The following KCNJ3 variants were observed in gnomAD, a reference collection of about 807,000 sequenced individuals.
KCNJ3 encodes the protein G protein-activated inward rectifier potassium channel 1.
Under a neutral mutation model 39.2 loss-of-function variants are expected in KCNJ3, and 4 were observed. That is an observed-to-expected ratio of 0.10 (90% CI 0.05 to 0.23). The LOEUF is 0.23. Ranked by LOEUF, KCNJ3 falls within the 10% of genes least tolerant of loss-of-function variation. KCNJ3 has a pLI of 1.00. For missense variants in KCNJ3, 276 were observed against 634.9 expected (o/e 0.43, Z 6.08); for synonymous variants, 230 against 237.4 (o/e 0.97, Z 0.29).
chr2:154,806,062 G>A (rs995762228), intron 2 of KCNJ3, among the ~76,000 whole-genome samples: 7 of 152,050 alleles, frequency 4.6e-5, no homozygotes, highest in Non-Finnish European at 1.5e-5. Context: ...TTTTGAAAAC[G>A]AGTGAGATGC....
rs142498129 is a variant in KCNJ3, at chr2:154,807,343, C to A, written c.920-47384C>A. Among the ~76,000 whole-genome samples, 3 of 152,270 alleles carry A rather than the reference C, an allele frequency of 2.0e-5. No homozygotes were observed. In the East Asian group the frequency reaches 5.8e-4, roughly 29 times the overall value. On this transcript the variant is annotated intron_variant, in intron 2 of 2. Transcript: ENST00000295101. Reference sequence around the variant, plus strand: ...CAGAAATAGTACAATCTTGGTGACACACATAGCACCCTTGGAGGGAAAATG... The same window carrying A: ...CAGAAATAGTACAATCTTGGTGACAAACATAGCACCCTTGGAGGGAAAATG...
intron 2 of KCNJ3, among the ~76,000 whole-genome samples, chr2:154,763,298 C>T (rs1209785412): frequency 6.6e-6 from 1 of 151,934 alleles, no homozygotes; most frequent in South Asian, 2.1e-4. Flanking sequence ...TTTTTCTTCC[C>T]CATTGGATTT....
At chr2:154,805,364 G>A (rs73965505) in intron 2 of KCNJ3, among the ~76,000 whole-genome samples, 21 of 152,102 alleles carry the variant, frequency 1.4e-4, no homozygotes, top group African/African-American at 5.1e-4. Context: ...GAAGAACGCC[G>A]GGCTGAAATG....
intron 2 of KCNJ3, among the ~76,000 whole-genome samples, chr2:154,846,563 T>TAACA (rs1181868785): frequency 2.6e-5 from 4 of 152,306 alleles, no homozygotes; most frequent in South Asian, 2.1e-4. Context: ...AACATCTTAC[T>TAACA]AACAGTGAGT....
chr2:154,738,007 T>C (rs1053503525), intron 2 of KCNJ3, among the ~76,000 whole-genome samples: 1 of 152,196 alleles, frequency 6.6e-6, no homozygotes, highest in Non-Finnish European at 1.5e-5. Context: ...CTCCATTTTG[T>C]ATATGTACCA....
At chr2:154,753,178 A>G (rs901521088) in intron 2 of KCNJ3, among the ~76,000 whole-genome samples, 19 of 152,214 alleles carry the variant, frequency 1.2e-4, no homozygotes, top group African/African-American at 4.1e-4. Flanking sequence ...GGATTGCTAA[A>G]ACTATAATTA....
intron 2 of KCNJ3, among the ~76,000 whole-genome samples, chr2:154,736,035 CTA>C (rs1362408025): frequency 6.6e-6 from 1 of 152,120 alleles, no homozygotes; most frequent in Non-Finnish European, 1.5e-5. Context: ...TACTCTGTCT[CTA>C]TTAAATTCCT....
intron 2 of KCNJ3, among the ~76,000 whole-genome samples, chr2:154,782,952 A>G (rs1274582267): frequency 6.6e-6 from 1 of 152,138 alleles, no homozygotes; most frequent in African/African-American, 2.4e-5. Flanking sequence ...CAAGGCAGGC[A>G]GATCACCTGA....
intron 2 of KCNJ3, among the ~76,000 whole-genome samples, chr2:154,750,717 T>G (rs1380181730): frequency 6.6e-6 from 1 of 151,988 alleles, no homozygotes; most frequent in Non-Finnish European, 1.5e-5. Flanking sequence ...TCCTTGTGGA[T>G]TTGTGATTAA....
intron 2 of KCNJ3, among the ~76,000 whole-genome samples, chr2:154,836,228 A>C (rs1262172560): frequency 1.8e-4 from 7 of 38,188 alleles, no homozygotes; most frequent in South Asian, 1.1e-3. Flanking sequence ...ACAAAAAAAA[A>C]CAAAAAAAAA....
intron 2 of KCNJ3, among the ~76,000 whole-genome samples, chr2:154,800,993 A>T (rs1222513108): frequency 6.6e-6 from 1 of 152,054 alleles, no homozygotes; most frequent in Non-Finnish European, 1.5e-5. Flanking sequence ...CGTCGGGGAG[A>T]CATCTATTAG....
At chr2:154,704,750 G>A (rs1684971964) in intron 1 of KCNJ3, among the ~76,000 whole-genome samples, 2 of 152,078 alleles carry the variant, frequency 1.3e-5, no homozygotes, top group Admixed American at 6.6e-5. Flanking sequence ...GGGTCACAAG[G>A]TACTTTTGTT....
Position 154,719,782 on chromosome 2 carries a change from C to T in KCNJ3, c.919+9963C>T, listed in dbSNP as rs193224779. ...GCTTCCTTTTCTGGGGAAAATTTTCCAAAGTTAACAGAGATTAAATAGAAA... is the reference window on the plus strand; with the variant it reads ...GCTTCCTTTTCTGGGGAAAATTTTCTAAAGTTAACAGAGATTAAATAGAAA... On this transcript the variant is annotated intron_variant, in intron 2 of 2. Transcript: ENST00000295101. Among the ~76,000 whole-genome samples the T allele has an allele frequency of 2.2e-4, 33 of 152,122 alleles. No homozygotes were observed. The East Asian group carries it at 6.0e-3, about 28-fold the overall frequency.
In KCNJ3 at chr2:154,854,938, T is replaced by TAACA; in HGVS notation, c.1132_1135dup (p.Ser379LysfsTer7). ...CCCCTTTAATAGCACCAGCCATAAC[T>TAACA]AACAGCAAAGAAAGACATAATTCTG... On this transcript the variant is annotated frameshift_variant, in exon 3 of 3. Coordinates refer to ENST00000295101, the MANE Select transcript of KCNJ3 (RefSeq NM_002239.4). LOFTEE classifies it high-confidence loss of function. 1 of 1,613,900 alleles carries TAACA rather than the reference T, an allele frequency of 6.2e-7. No individual in the cohort carries two copies. Among genetic ancestry groups the TAACA allele is most frequent in the Non-Finnish European group, 8.5e-7 (1 of 1,179,880 alleles).
At chr2:154,729,307 C>T (rs1049665494) in intron 2 of KCNJ3, among the ~76,000 whole-genome samples, 8 of 152,168 alleles carry the variant, frequency 5.3e-5, no homozygotes, top group African/African-American at 1.9e-4. Context: ...TTGCAACCAA[C>T]TTTGCCAGCC....
At chr2:154,794,096 C>G (rs546336611) in intron 2 of KCNJ3, among the ~76,000 whole-genome samples, 27 of 151,990 alleles carry the variant, frequency 1.8e-4, no homozygotes, top group Admixed American at 5.9e-4. Context: ...CATTTCAAAT[C>G]TAACTAAAGA....
rs763915097 is a variant in KCNJ3, at chr2:154,857,439, G to A, written c.*2126G>A. 6.6e-6 allele frequency: 1 copy of A among 152,090 alleles called. No individual in the cohort carries two copies. The highest frequency in any genetic ancestry group is 1.5e-5 in the Non-Finnish European group (1 of 68,030). 9.4% of individuals were successfully genotyped at this position (152,090 alleles called of 1,614,324 possible). A position where few individuals can be genotyped will look rare whatever the true frequency, so the allele number is the denominator to read the frequency against. Reference sequence around the variant, plus strand: ...AACAAAATTTTTGCATGCCTTCTATGTCGTAGGCATTTTTAGTTCCTGGGG... The same window carrying A: ...AACAAAATTTTTGCATGCCTTCTATATCGTAGGCATTTTTAGTTCCTGGGG... On this transcript the variant is annotated 3_prime_UTR_variant, in exon 3 of 3. Transcript: ENST00000295101.
At chr2:154,720,990 T>G (rs1470885564) in intron 2 of KCNJ3, among the ~76,000 whole-genome samples, 2 of 151,974 alleles carry the variant, frequency 1.3e-5, no homozygotes, top group Non-Finnish European at 2.9e-5. Flanking sequence ...CAAAAATGTT[T>G]CAGCATGTGT....
intron 2 of KCNJ3, among the ~76,000 whole-genome samples, chr2:154,827,591 T>C (rs1687291101): frequency 6.6e-6 from 1 of 152,074 alleles, no homozygotes; most frequent in African/African-American, 2.4e-5. Context: ...TACAACAGAC[T>C]CTAAACCTCT....
Sources: allele counts gnomAD v4.1 joint callset (sites outside exome capture counted in the v4.1 genomes callset), GRCh38; gene constraint gnomAD v4.1.1; transcripts MANE v1.5; gene names NCBI Gene and HGNC (gene_info 2026-07-23, HGNC 2026-07-21).